The following CALHM4 variants were observed in gnomAD, a reference collection of about 807,000 sequenced individuals.
The protein encoded by CALHM4 is calcium homeostasis modulator protein 4.
A neutral mutation model predicts 13.3 loss-of-function variants in CALHM4; 16 were observed. The observed-to-expected ratio is 1.20, with a 90% CI of 0.81 to 1.82. CALHM4 has a LOEUF of 1.82. CALHM4 is among the 40% of genes most tolerant of loss of function. CALHM4 has a pLI of 0.00. For synonymous variants in CALHM4, 127 were observed against 137.1 expected (o/e 0.93, Z 0.52); for missense variants, 344 against 374.9 (o/e 0.92, Z 0.68).
At chr6:116,547,308 C>T (rs1265328015) in intron 2 of CALHM4, among the ~76,000 whole-genome samples, 2 of 151,990 alleles carry the variant, frequency 1.3e-5, no homozygotes, top group Non-Finnish European at 2.9e-5. Context: ...GAGGTGATGG[C>T]GGTACTGGAA....
At chr6:116,536,041 T>TA (rs1773064252) in intron 1 of CALHM4, among the ~76,000 whole-genome samples, 1 of 152,182 alleles carries the variant, frequency 6.6e-6, no homozygotes. Flanking sequence ...TCAATGCTAT[T>TA]AAAGTTTTTC....
chr6:116,555,468 C>G (rs1250689175), intron 1 of CALHM4, among the ~76,000 whole-genome samples: 1 of 152,106 alleles, frequency 6.6e-6, no homozygotes, highest in Admixed American at 6.5e-5. Context: ...AGTACCATTG[C>G]CAGTAGATTG....
At position 116,559,888 on chromosome 6, in the gene CALHM4, C is replaced by T. The variant is rs996372607; in HGVS notation, c.*1677C>T. Among the ~76,000 whole-genome samples the T allele has an allele frequency of 6.6e-6, 1 of 152,160 alleles. No homozygotes were observed. Among genetic ancestry groups the T allele is most frequent in the African/African-American group, 2.4e-5 (1 of 41,432 alleles). Reference sequence around the variant, plus strand: ...GTCCCCAACTCTGAATCTGAGCTTTCTCTGAAAACATTTACTGGCATTCCA... The same window carrying T: ...GTCCCCAACTCTGAATCTGAGCTTTTTCTGAAAACATTTACTGGCATTCCA... On this transcript the variant is annotated 3_prime_UTR_variant, in exon 2 of 2. Transcript: ENST00000368596.
chr6:116,547,137 G>A (rs758490618), intron 2 of CALHM4, among the ~76,000 whole-genome samples: 58 of 152,086 alleles, frequency 3.8e-4, no homozygotes, highest in Middle Eastern at 3.2e-3. Flanking sequence ...ATTTTGTACC[G>A]CACACACTCT....
chr6:116,533,048 C>G (rs532700208), intron 1 of CALHM4, among the ~76,000 whole-genome samples: 2 of 152,224 alleles, frequency 1.3e-5, no homozygotes, highest in African/African-American at 4.8e-5. Flanking sequence ...CCAGCTACAT[C>G]TTTCACTGGG....
In CALHM4 at chr6:116,556,454, T is replaced by G. The variant is rs1251877291; in HGVS notation, c.559-1371T>G. On this transcript the variant is annotated intron_variant, in intron 1 of 1. Transcript: ENST00000368596. ...GATTGTTTATAGGTTAATGGGCATC[T>G]GAGATGGCTTTTCCTCCGCCATGCT... Among the ~76,000 whole-genome samples, 7 of 152,232 alleles carry G rather than the reference T, an allele frequency of 4.6e-5. No individual in the cohort carries two copies. In the East Asian group the frequency reaches 1.3e-3, roughly 29 times the overall value.
chr6:116,541,734 A>G (rs1229688455), intron 1 of CALHM4, among the ~76,000 whole-genome samples: 1 of 152,200 alleles, frequency 6.6e-6, no homozygotes, highest in African/African-American at 2.4e-5. Flanking sequence ...AAATATTTCC[A>G]GTGTTTTCTA....
intron 1 of CALHM4, among the ~76,000 whole-genome samples, chr6:116,538,448 T>G (rs1039218953): frequency 4.6e-5 from 7 of 152,250 alleles, no homozygotes; most frequent in Non-Finnish European, 5.9e-5. Flanking sequence ...TTTTTTGTTC[T>G]GTTAATCATC....
Position 116,554,115 on chromosome 6 carries a change from A to G in CALHM4, c.322A>G (p.Thr108Ala), listed in dbSNP as rs373429268. ...GGCTTGCCTTAGGTTCTTCAGCATC[A>G]CTGGGAGGGCAGTTATTGCTCCTTT... ...KLACLRFFSI[T>A]GRAVIAPLTW... is the part of the protein sequence containing the mutation. The change falls in exon 1 of 2, where the codon ACT (threonine) becomes GCT (alanine). Residue 108 changes from threonine (T) to alanine (A), a missense_variant. Physicochemically the swap from Thr to Ala is moderately conservative, Grantham distance 58. Transcript: ENST00000368596. 1,541 of 1,550,582 alleles carry G rather than the reference A, an allele frequency of 9.9e-4. 33 individuals are homozygous for G. The South Asian group carries it at 0.017, about 17-fold the overall frequency.
In CALHM4 at chr6:116,558,222, T is replaced by C; in HGVS notation, c.*11T>C. ...GAATTAAAACCTTGATTACAGCACC[T>C]TTCATGAGTCAGGTTGCTTAGCAGA... On this transcript the variant is annotated 3_prime_UTR_variant, in exon 2 of 2. Coordinates refer to ENST00000368596, the MANE Select transcript of CALHM4 (RefSeq NM_001366078.2). 1 of 1,597,366 alleles carries C rather than the reference T, an allele frequency of 6.3e-7. No homozygotes were observed. The highest frequency in any genetic ancestry group is 8.5e-7 in the Non-Finnish European group (1 of 1,171,942).
upstream of CALHM4, among the ~76,000 whole-genome samples, chr6:116,549,624 A>G: frequency 6.6e-6 from 1 of 151,758 alleles, no homozygotes; most frequent in South Asian, 2.1e-4. Context: ...TTCTTTGTAT[A>G]TTTTATATAT....
upstream of CALHM4, among the ~76,000 whole-genome samples, chr6:116,549,980 T>TTATATATATA (rs10544532): frequency 3.7e-5 from 3 of 82,048 alleles, no homozygotes; most frequent in African/African-American, 9.4e-5. Context: ...CCATCTTAAA[T>TTATATATATA]TATATATATA....
At chr6:116,545,670 G>T in intron 2 of CALHM4, 1 of 529,044 alleles carries the variant, frequency 1.9e-6, no homozygotes, top group Non-Finnish European at 3.2e-6. Context: ...TTTGCTCTTT[G>T]CTGAGCTGAA....
At chr6:116,553,669 A>G, upstream of CALHM4, 1 of 840,138 alleles carries the variant, frequency 1.2e-6, no homozygotes, top group Non-Finnish European at 1.8e-6. Flanking sequence ...TCCTTTAAAC[A>G]TGTAAGGATG....
Position 116,559,288 on chromosome 6 carries a change from A to G in CALHM4, c.*1077A>G, listed in dbSNP as rs995627692. ...TAAGTTGTCTGAGGGCATTCTGTCT[A>G]TTTATTTCTTCAGTCAAAACAATGC... On this transcript the variant is annotated 3_prime_UTR_variant, in exon 2 of 2. Coordinates refer to ENST00000368596, the MANE Select transcript of CALHM4 (RefSeq NM_001366078.2). 6.6e-6 allele frequency among the ~76,000 whole-genome samples: 1 copy of G among 152,022 alleles called. No homozygotes were observed. The highest frequency in any genetic ancestry group is 1.5e-5 in the Non-Finnish European group (1 of 68,016).
At chr6:116,547,262 A>G (rs1562359113) in intron 2 of CALHM4, among the ~76,000 whole-genome samples, 1 of 152,208 alleles carries the variant, frequency 6.6e-6, no homozygotes, top group Non-Finnish European at 1.5e-5. Context: ...AAGATACCCC[A>G]GAGAATAACC....
chr6:116,537,849 C>T (rs1370605185), intron 1 of CALHM4, among the ~76,000 whole-genome samples: 2 of 152,148 alleles, frequency 1.3e-5, no homozygotes, highest in Non-Finnish European at 2.9e-5. Flanking sequence ...TGAGTAAATA[C>T]CCAGTAAGAA....
chr6:116,553,920 T>C lies in CALHM4; in HGVS notation c.127T>C (p.Cys43Arg), dbSNP rs1413162915. The C allele has an allele frequency of 6.4e-7, 1 of 1,550,662 alleles. No homozygotes were observed. The highest frequency in any genetic ancestry group is 2.4e-5 in the East Asian group (1 of 40,930). Residue 43 changes from cysteine to arginine, a missense_variant, in exon 1 of 2, where the codon TGT (cysteine) becomes CGT (arginine). By Grantham distance (180) the Cys-to-Arg change is radical. Transcript: ENST00000368596. ...LFSSSTFSCP[C>R]QVGKNFYYGS... The stretch of plus-strand genomic sequence containing the variant: ...CTCCTCTTCTACATTCAGCTGTCCT[T>C]GTCAGGTTGGAAAAAATTTCTATTA...
intron 1 of CALHM4, among the ~76,000 whole-genome samples, chr6:116,555,811 C>T (rs1229813102): frequency 1.3e-5 from 2 of 152,152 alleles, no homozygotes; most frequent in African/African-American, 2.4e-5. Context: ...CTTTTCTTTG[C>T]CCATGCCCTA....
Sources: gnomAD v4.1 joint callset for allele counts (sites outside exome capture counted in the v4.1 genomes callset) on GRCh38, gnomAD v4.1.1 for gene constraint, MANE v1.5 for transcripts, NCBI Gene and HGNC (gene_info 2026-07-23, HGNC 2026-07-21) for gene names.